Variants in PLOD2 observed in about 807,000 individuals in gnomAD.
PLOD2 encodes procollagen-lysine,2-oxoglutarate 5-dioxygenase 2.
In PLOD2, 65 loss-of-function variants were observed where a neutral mutation model predicts 101.0. The observed-to-expected ratio is 0.64, with a 90% CI of 0.53 to 0.79. The LOEUF is 0.79. Ranked by LOEUF, PLOD2 falls within the 30% of genes least tolerant of loss-of-function variation. The pLI, the probability that PLOD2 is intolerant of heterozygous loss-of-function variation, is 0.00. For synonymous variants in PLOD2, 314 were observed against 302.9 expected, an observed-to-expected ratio of 1.04 and a Z score of -0.38; for missense variants, 909 against 914.6, an observed-to-expected ratio of 0.99 and a Z score of 0.08.
chr3:146,124,289 C>A, intron 1 of PLOD2, 60 bp from the exon 2 acceptor site: 4 of 896,432 alleles, frequency 4.5e-6, no homozygotes, highest in Non-Finnish European at 7.5e-6. Context: ...TCACATTTTA[C>A]AACTCACTAC....
chr3:146,112,389 A>C (rs2108072882), intron 3 of PLOD2, among the ~76,000 whole-genome samples: 1 of 152,270 alleles, frequency 6.6e-6, no homozygotes, highest in East Asian at 1.9e-4. Context: ...TCAGCAAACT[A>C]ACACAGAAAC....
intron 3 of PLOD2, among the ~76,000 whole-genome samples, chr3:146,118,665 T>C (rs543112487): frequency 5.3e-5 from 8 of 152,278 alleles, no homozygotes; most frequent in African/African-American, 1.7e-4. Flanking sequence ...GACAATTTGA[T>C]GTTATTATAA....
chr3:146,124,878 T>C (rs543167921), intron 1 of PLOD2, among the ~76,000 whole-genome samples: 2 of 152,148 alleles, frequency 1.3e-5, no homozygotes, highest in African/African-American at 4.8e-5. Context: ...CTAGTAAATA[T>C]ACAACTATTA....
intron 8 of PLOD2, 24 bp downstream of exon 8, chr3:146,091,776 T>A (rs750868873): frequency 1.3e-5 from 16 of 1,236,700 alleles, no homozygotes; most frequent in Non-Finnish European, 1.9e-5. Context: ...TTACTACATT[T>A]CACACATAAT....
At chr3:146,080,752 C>T (rs1936511043) in intron 12 of PLOD2, among the ~76,000 whole-genome samples, 1 of 152,068 alleles carries the variant, frequency 6.6e-6, no homozygotes, top group Non-Finnish European at 1.5e-5. Flanking sequence ...GTCTATACAA[C>T]TCACCCAGAG....
chr3:146,079,399 T>TA lies in PLOD2; in HGVS notation c.1359-143dup, dbSNP rs1936454096. Reference sequence around the variant, plus strand: ...ATCAACATACAAATATATTCAATGATATATATATAAGATTACATTGTATAC... The same window carrying TA: ...ATCAACATACAAATATATTCAATGATAATATATATAAGATTACATTGTATAC... On this transcript the variant is annotated intron_variant, in intron 12 of 19. Coordinates refer to ENST00000282903, the MANE Select transcript of PLOD2 (RefSeq NM_182943.3). 22 of 647,570 alleles carry TA rather than the reference T, an allele frequency of 3.4e-5. No homozygotes were observed. In the South Asian group the frequency reaches 4.0e-4, roughly 12 times the overall value. The allele number at this position is 647,570 out of a possible 1,614,324, so 40.1% of individuals were successfully genotyped here. A position where few individuals can be genotyped will look rare whatever the true frequency, so the allele number is the denominator to read the frequency against.
rs1445549034 is a variant in PLOD2 at position 146,091,790 on chromosome 3, T to A, written c.879+10A>T. Reference sequence around the variant, plus strand: ...ATTACTACATTTCACACATAATCAATTCCACTTACATCTACTGCAGACAAG... The same window carrying A: ...ATTACTACATTTCACACATAATCAAATCCACTTACATCTACTGCAGACAAG... On this transcript the variant is annotated intron_variant, in intron 8 of 19. Transcript: ENST00000282903. The A allele has an allele frequency of 7.0e-7, 1 of 1,424,592 alleles. No homozygotes were observed. Among genetic ancestry groups the A allele is most frequent in the African/African-American group, 1.4e-5 (1 of 71,316 alleles). 88.2% of individuals were successfully genotyped at this position (1,424,592 alleles called of 1,614,324 possible).
intron 7 of PLOD2, among the ~76,000 whole-genome samples, chr3:146,097,827 A>T (rs552159367): frequency 5.8e-3 from 199 of 34,504 alleles, no homozygotes; most frequent in African/African-American, 0.021. Flanking sequence ...ATAATAATAA[A>T]AAAAGAAAAT....
intron 4 of PLOD2, among the ~76,000 whole-genome samples, chr3:146,109,866 AAT>A (rs1937597050): frequency 6.6e-6 from 1 of 152,204 alleles, no homozygotes; most frequent in Admixed American, 6.5e-5. Flanking sequence ...AAAATCAGAT[AAT>A]ATTAAGTAAT....
intron 1 of PLOD2, among the ~76,000 whole-genome samples, chr3:146,142,405 G>A (rs1203421137): frequency 6.6e-6 from 1 of 152,004 alleles, no homozygotes; most frequent in East Asian, 1.9e-4. Flanking sequence ...TCTCTCTACT[G>A]TTTTTTCCAT....
Position 146,071,372 on chromosome 3 carries a change from T to C in PLOD2, c.1900A>G (p.Met634Val), listed in dbSNP as rs776336447. 8 of 1,612,106 alleles carry C rather than the reference T, an allele frequency of 5.0e-6. No individual in the cohort carries two copies. The South Asian group carries it at 6.6e-5, about 13-fold the overall frequency. The part of the protein sequence containing the change: ...YENVPTDDIH[M>V]KQVDLENVWL... ...ACATTCTCCAGATCAACTTGCTTCA[T>C]GTGGATATCATCAGTTGGGACATTT... Residue 634 changes from methionine to valine, a missense_variant, in exon 18 of 20, where the codon ATG becomes GTG. Physicochemically the swap from Met to Val is conservative, Grantham distance 21 (BLOSUM62 1). Coordinates refer to ENST00000282903, the MANE Select transcript of PLOD2 (RefSeq NM_182943.3).
In PLOD2 at chr3:146,076,400, C is replaced by T. The variant is rs552513205; in HGVS notation, c.1677+382G>A. 13 of 171,800 alleles carry T rather than the reference C, an allele frequency of 7.6e-5. No homozygotes were observed. The Middle Eastern group carries it at 8.2e-3, about 108-fold the overall frequency. 10.6% of individuals were successfully genotyped at this position (171,800 alleles called of 1,614,324 possible). ...TTTGCTACTGTGAATAGTGCTGCAACGAACAGATACAGGTTCATGTGTGTT... is the reference window on the plus strand; with the variant it reads ...TTTGCTACTGTGAATAGTGCTGCAATGAACAGATACAGGTTCATGTGTGTT... On this transcript the variant is annotated intron_variant, in intron 15 of 19. Transcript: ENST00000282903.
rs780511261 is a variant in PLOD2 at position 146,088,669 on chromosome 3, T to C, written c.922A>G (p.Thr308Ala). ...VSIGVFIEQP[T>A]PFLPRFLDIL... ...TCCAGAAACCGAGGTAGAAAAGGGGTTGGTTGCTCAATAAAAACACCTATT... is the reference window on the plus strand; with the variant it reads ...TCCAGAAACCGAGGTAGAAAAGGGGCTGGTTGCTCAATAAAAACACCTATT... Residue 308 changes from threonine (T) to alanine (A), a missense_variant, in exon 9 of 20, where the codon ACC becomes GCC. Coordinates refer to ENST00000282903, the MANE Select transcript of PLOD2 (RefSeq NM_182943.3). 2 of 1,607,702 alleles carry C rather than the reference T, an allele frequency of 1.2e-6. No homozygotes were observed. Among genetic ancestry groups the C allele is most frequent in the South Asian group, 1.1e-5 (1 of 90,876 alleles).
At chr3:146,149,293 C>T (rs1432710395) in intron 1 of PLOD2, among the ~76,000 whole-genome samples, 1 of 152,062 alleles carries the variant, frequency 6.6e-6, no homozygotes, top group Non-Finnish European at 1.5e-5. Context: ...GTGGGATATT[C>T]TGAGAATTAT....
chr3:146,123,659 T>C (rs1315292100), intron 2 of PLOD2, among the ~76,000 whole-genome samples: 1 of 151,988 alleles, frequency 6.6e-6, no homozygotes, highest in Non-Finnish European at 1.5e-5. Flanking sequence ...ATGCAGTCAG[T>C]GAAAAAAATC....
At chr3:146,095,067 A>G (rs1937102625) in intron 7 of PLOD2, among the ~76,000 whole-genome samples, 1 of 152,184 alleles carries the variant, frequency 6.6e-6, no homozygotes, top group Non-Finnish European at 1.5e-5. Flanking sequence ...TAAAAAATCA[A>G]CTCAAGATGG....
intron 1 of PLOD2, among the ~76,000 whole-genome samples, chr3:146,154,166 T>A (rs551108466): frequency 4.1e-4 from 62 of 152,342 alleles, no homozygotes; most frequent in Non-Finnish European, 8.1e-4. Context: ...CTGCCTCAAG[T>A]AGCCCCTCAT....
intron 1 of PLOD2, among the ~76,000 whole-genome samples, chr3:146,138,600 G>A (rs1354651496): frequency 6.6e-6 from 1 of 152,072 alleles, no homozygotes; most frequent in African/African-American, 2.4e-5. Context: ...GGAAGAAAAG[G>A]GAGGACAGCA....
chr3:146,110,169 A>C (rs183680975), intron 4 of PLOD2, 116 bp downstream of exon 4: 453 of 858,380 alleles, frequency 5.3e-4, no homozygotes, highest in Middle Eastern at 4.5e-3. Flanking sequence ...CAATATACTA[A>C]TAATAAAATA....
Sources: gnomAD v4.1 joint callset for allele counts (sites outside exome capture counted in the v4.1 genomes callset) on GRCh38, gnomAD v4.1.1 for gene constraint, MANE v1.5 for transcripts, NCBI Gene and HGNC (gene_info 2026-07-23, HGNC 2026-07-21) for gene names.